KSR2: variants seen among roughly 807,000 people sequenced by gnomAD.
KSR2 encodes kinase suppressor of ras 2.
KSR2 carries 25 observed loss-of-function variants against 107.8 expected under a neutral mutation model. The ratio of observed to expected loss-of-function variants is 0.23; its 90% CI spans 0.17 to 0.32. The LOEUF is 0.32. KSR2 is among the 10% of genes least tolerant of loss of function. The pLI is 1.00. For synonymous variants in KSR2, 480 were observed against 507.0 expected (o/e 0.95, Z 0.71); for missense variants, 887 against 1,268.9 (o/e 0.70, Z 4.57).
intron 14 of KSR2, among the ~76,000 whole-genome samples, chr12:117,510,040 G>T (rs962317913): frequency 1.3e-5 from 2 of 152,204 alleles, no homozygotes; most frequent in African/African-American, 4.8e-5. Flanking sequence ...CTGACTGTGG[G>T]TCCCCTCAGT....
intron 3 of KSR2, among the ~76,000 whole-genome samples, chr12:117,801,909 A>C (rs1230160735): frequency 6.6e-6 from 1 of 152,140 alleles, no homozygotes; most frequent in African/African-American, 2.4e-5. Context: ...GTATATGACC[A>C]GGGTTGCTCA....
intron 14 of KSR2, among the ~76,000 whole-genome samples, chr12:117,491,260 A>T (rs947202869): frequency 1.1e-4 from 17 of 152,166 alleles, no homozygotes; most frequent in South Asian, 8.3e-4. Flanking sequence ...GCTCACTGCA[A>T]CCTCTGCCTC....
intron 1 of KSR2, among the ~76,000 whole-genome samples, chr12:117,891,755 G>A (rs1894349472): frequency 6.6e-6 from 1 of 152,196 alleles, no homozygotes; most frequent in South Asian, 2.1e-4. Flanking sequence ...GGGAGGCCGA[G>A]GAGAGAGGAT....
Position 117,556,662 on chromosome 12 carries a change from C to G in KSR2, c.1394-1369G>C, listed in dbSNP as rs1360820384. On this transcript the variant is annotated intron_variant, in intron 8 of 19. Coordinates refer to ENST00000339824, the MANE Select transcript of KSR2 (RefSeq NM_173598.6). ...GGTTCATTCTAAATTAGGGCAGATT[C>G]CCAGGAATATCCACCGATCAAGGCC... Among the ~76,000 whole-genome samples the G allele has an allele frequency of 3.9e-5, 6 of 152,142 alleles. No homozygotes were observed. In the East Asian group the frequency reaches 1.2e-3, roughly 29 times the overall value.
At chr12:117,954,114 A>T (rs958672501) in intron 1 of KSR2, among the ~76,000 whole-genome samples, 3 of 152,072 alleles carry the variant, frequency 2.0e-5, no homozygotes, top group Non-Finnish European at 2.9e-5. Context: ...TAAAATGGTA[A>T]ATTTTATGTA....
intron 6 of KSR2, among the ~76,000 whole-genome samples, chr12:117,581,191 C>T (rs1408499877): frequency 6.6e-6 from 1 of 152,138 alleles, no homozygotes; most frequent in Non-Finnish European, 1.5e-5. Flanking sequence ...CCATGAGTCC[C>T]CATCGTGAGA....
intron 4 of KSR2, among the ~76,000 whole-genome samples, chr12:117,696,250 C>T (rs1886055653): frequency 6.6e-6 from 1 of 151,374 alleles, no homozygotes; most frequent in Non-Finnish European, 1.5e-5. Context: ...TCTGAGGTCC[C>T]ACTCCACCCA....
chr12:117,531,508 C>T (rs1205150345), intron 11 of KSR2, among the ~76,000 whole-genome samples, 158 bp downstream of exon 11: 2 of 152,132 alleles, frequency 1.3e-5, no homozygotes. Context: ...CTTTCTTCTC[C>T]ACTTCCATGT....
At chr12:117,579,413 G>T (rs1466683713) in intron 6 of KSR2, among the ~76,000 whole-genome samples, 1 of 152,182 alleles carries the variant, frequency 6.6e-6, no homozygotes, top group African/African-American at 2.4e-5. Flanking sequence ...GACCTCATAG[G>T]TTGCTGGAGA....
At chr12:117,529,876 T>G (rs997391659) in intron 12 of KSR2, among the ~76,000 whole-genome samples, 4 of 151,636 alleles carry the variant, frequency 2.6e-5, no homozygotes, top group Non-Finnish European at 4.4e-5. Context: ...CAAAAATTAG[T>G]TGGGTGTGGT....
intron 4 of KSR2, among the ~76,000 whole-genome samples, chr12:117,690,170 CA>C (rs1167035663): frequency 6.6e-6 from 1 of 152,304 alleles, no homozygotes; most frequent in Non-Finnish European, 1.5e-5. Context: ...ATACCAAGTC[CA>C]CGAGGGCAAA....
rs751216370 is a variant in KSR2 at position 117,582,287 on chromosome 12, T to C, written c.1241+3A>G. 42 of 1,613,244 alleles carry C rather than the reference T, an allele frequency of 2.6e-5. No individual in the cohort carries two copies. Among genetic ancestry groups the C allele is most frequent in the Non-Finnish European group, 3.4e-5 (40 of 1,179,408 alleles). ...CACCAGTGCACACAGGAATCCAGCC[T>C]ACCTGTGCTTGATGGAGTTGCCGAG... On this transcript the variant is annotated splice_donor_region_variant and intron_variant, in intron 6 of 19. Transcript: ENST00000339824.
chr12:117,760,324 G>A (rs1400915834), intron 4 of KSR2, among the ~76,000 whole-genome samples: 1 of 152,092 alleles, frequency 6.6e-6, no homozygotes, highest in Non-Finnish European at 1.5e-5. Flanking sequence ...TCCCCAACGT[G>A]TCCTGCTTCC....
intron 16 of KSR2, among the ~76,000 whole-genome samples, 181 bp downstream of exon 16, chr12:117,484,235 C>A (rs1872330841): frequency 6.6e-6 from 1 of 152,088 alleles, no homozygotes; most frequent in African/African-American, 2.4e-5. Context: ...AGGTGCTGGC[C>A]CCCCCAGGGG....
chr12:117,469,885 T>A, intron 18 of KSR2, 90 bp from the exon 19 acceptor site: 1 of 1,306,360 alleles, frequency 7.7e-7, no homozygotes. Context: ...ATTTGTCCAC[T>A]CATCTGCCCC....
intron 3 of KSR2, among the ~76,000 whole-genome samples, chr12:117,803,589 G>GCT (rs1469397212): frequency 6.6e-6 from 1 of 152,128 alleles, no homozygotes; most frequent in Non-Finnish European, 1.5e-5. Context: ...TGTAGTCCCA[G>GCT]CTACTCGGTA....
chr12:117,801,278 G>A (rs906859144), intron 3 of KSR2, among the ~76,000 whole-genome samples: 23 of 146,256 alleles, frequency 1.6e-4, no homozygotes, highest in Admixed American at 2.7e-4. Context: ...CACCATGCCC[G>A]GCTAATTTTT....
intron 9 of KSR2, among the ~76,000 whole-genome samples, chr12:117,552,217 A>T (rs1268771153): frequency 6.6e-6 from 1 of 152,226 alleles, no homozygotes; most frequent in Non-Finnish European, 1.5e-5. Flanking sequence ...TCTCCTGGAT[A>T]TTAACTATGG....
chr12:117,793,676 C>A (rs934743326), intron 3 of KSR2, among the ~76,000 whole-genome samples: 2 of 150,504 alleles, frequency 1.3e-5, no homozygotes, highest in African/African-American at 4.9e-5. Flanking sequence ...ACAACATGCA[C>A]ACACCAACAT....
Sources: allele counts gnomAD v4.1 joint callset (sites outside exome capture counted in the v4.1 genomes callset), GRCh38; gene constraint gnomAD v4.1.1; transcripts MANE v1.5; gene names NCBI Gene and HGNC (gene_info 2026-07-23, HGNC 2026-07-21).